Variants in CES1 observed in about 807,000 individuals in gnomAD.
CES1 encodes the protein liver carboxylesterase 1.
In CES1, 50 loss-of-function variants were observed where a neutral mutation model predicts 53.0. That is an observed-to-expected ratio of 0.94 (90% CI 0.75 to 1.19). CES1 has a LOEUF of 1.19. CES1 is among the 50% of genes most tolerant of loss of function. The pLI, the probability that CES1 is intolerant of heterozygous loss-of-function variation, is 0.00. For missense variants in CES1, 534 were observed against 538.0 expected, an observed-to-expected ratio of 0.99 and a Z score of 0.07; for synonymous variants, 202 against 210.1, an observed-to-expected ratio of 0.96 and a Z score of 0.33.
At chr16:55,817,178 T>G (rs1267570679) in intron 7 of CES1, among the ~76,000 whole-genome samples, 1 of 152,142 alleles carries the variant, frequency 6.6e-6, no homozygotes, top group African/African-American at 2.4e-5. Flanking sequence ...CCCCAAAACT[T>G]TTGCAGGAAT....
intron 1 of CES1, among the ~76,000 whole-genome samples, chr16:55,830,824 A>AGGAAGGAT (rs1567509516): frequency 6.8e-6 from 1 of 147,378 alleles, no homozygotes; most frequent in East Asian, 2.0e-4. Flanking sequence ...GAAGGAAGGC[A>AGGAAGGAT]GGCAGGCAGG....
intron 4 of CES1, among the ~76,000 whole-genome samples, chr16:55,822,201 T>G (rs1262156686): frequency 1.3e-5 from 2 of 152,246 alleles, no homozygotes; most frequent in Non-Finnish European, 2.9e-5. Flanking sequence ...CAGGGTTTTG[T>G]GCAGAGGCAT....
At chr16:55,828,077 G>C (rs2032486917) in intron 2 of CES1, 1 of 152,532 alleles carries the variant, frequency 6.6e-6, no homozygotes. Context: ...GCCACTGGTG[G>C]GCTGCTGGAA....
At chr16:55,818,961 T>G (rs1597077496) in intron 7 of CES1, among the ~76,000 whole-genome samples, 1 of 152,236 alleles carries the variant, frequency 6.6e-6, no homozygotes, top group East Asian at 1.9e-4. Flanking sequence ...AAGTTATGAA[T>G]AGGTTGACAT....
intron 7 of CES1, 123 bp from the exon 8 acceptor site, chr16:55,817,085 T>C: frequency 1.9e-6 from 2 of 1,057,296 alleles, no homozygotes. Flanking sequence ...TATATCTATA[T>C]GTGACCTGCG....
chr16:55,827,543 C>G (rs62028645), intron 2 of CES1, among the ~76,000 whole-genome samples: 3 of 151,988 alleles, frequency 2.0e-5, no homozygotes, highest in African/African-American at 4.8e-5. Context: ...AATATATACT[C>G]TTTGACTCAG....
intron 1 of CES1, 79 bp from the exon 2 acceptor site, chr16:55,829,053 A>C: frequency 1.4e-6 from 2 of 1,469,106 alleles, no homozygotes; most frequent in East Asian, 2.5e-5. Flanking sequence ...GCCGCTTTCT[A>C]AGTGAGTGAC....
At position 55,820,008 on chromosome 16, in the gene CES1, C is replaced by A. The variant is rs2032106490; in HGVS notation, c.801+364G>T. On this transcript the variant is annotated intron_variant, in intron 6 of 13. Coordinates refer to ENST00000360526, the MANE Select transcript of CES1 (RefSeq NM_001025195.2). Reference sequence around the variant, plus strand: ...TTCCACTTACCAGCCATTAGGCAGACCCAGAGAGACACAAGACACCATCAC... The same window carrying A: ...TTCCACTTACCAGCCATTAGGCAGAACCAGAGAGACACAAGACACCATCAC... The A allele has an allele frequency of 8.8e-5, 48 of 544,594 alleles. No homozygotes were observed. The South Asian group carries it at 9.1e-4, about 10-fold the overall frequency. 33.7% of individuals were successfully genotyped at this position (544,594 alleles called of 1,614,324 possible).
At chr16:55,821,073 A>AG (rs2032167107) in intron 5 of CES1, among the ~76,000 whole-genome samples, 1 of 99,448 alleles carries the variant, frequency 1.0e-5, no homozygotes, top group Non-Finnish European at 2.4e-5. Context: ...GGAGAGAGAG[A>AG]AAGAGAGAGA....
chr16:55,809,662 C>T (rs1216457878), intron 11 of CES1, among the ~76,000 whole-genome samples: 1 of 152,196 alleles, frequency 6.6e-6, no homozygotes. Flanking sequence ...TGCATAAAAA[C>T]CACCCTCAGA....
rs1254069048 is a variant in CES1 at position 55,810,551 on chromosome 16, AC to A, written c.1283del (p.Gly428ValfsTer5). On this transcript the variant is annotated frameshift_variant, in exon 11 of 14. Coordinates refer to ENST00000360526, the MANE Select transcript of CES1 (RefSeq NM_001025195.2). LOFTEE classifies it high-confidence loss of function. ...FLDLIADVMFGVPSVIVARNH... is the reference protein window; with the variant it reads ...FLDLIADVMFXVPSVIVARNH... The stretch of plus-strand genomic sequence containing the variant: ...TCCGGGCCACAATCACAGATGGGAC[AC>A]CAAACATCACATCTGCTATCAAGTC... 1 of 1,614,194 alleles carries A rather than the reference AC, an allele frequency of 6.2e-7. No homozygotes were observed. The highest frequency in any genetic ancestry group is 1.1e-5 in the South Asian group (1 of 91,086).
intron 6 of CES1, 23 bp from the exon 7 acceptor site, chr16:55,819,662 C>T (rs186343557): frequency 1.3e-6 from 2 of 1,586,360 alleles, no homozygotes; most frequent in African/African-American, 1.3e-5. Context: ...CAGGCAACAA[C>T]AGAGTTCAAG....
intron 11 of CES1, 148 bp downstream of exon 11, chr16:55,810,369 A>G (rs1401297360): frequency 9.1e-7 from 1 of 1,095,656 alleles, no homozygotes; most frequent in Non-Finnish European, 1.4e-6. Flanking sequence ...AACCAAAATA[A>G]GACAGCACCT....
At chr16:55,815,998 T>C (rs1331649446) in intron 8 of CES1, among the ~76,000 whole-genome samples, 1 of 152,298 alleles carries the variant, frequency 6.6e-6, no homozygotes, top group Admixed American at 6.5e-5. Context: ...TCAGGGTCTT[T>C]GCAGTGACTG....
Position 55,830,355 on chromosome 16 carries a change from C to T in CES1, c.53-1381G>A, listed in dbSNP as rs28422932. On this transcript the variant is annotated intron_variant, in intron 1 of 13. Coordinates refer to ENST00000360526, the MANE Select transcript of CES1 (RefSeq NM_001025195.2). ...GACATAGCAATGGGTGGTGGCATTA[C>T]ATGTGGCCTGTTTTCTTGGTGATTT... is the stretch of plus-strand genomic sequence containing the variant. 9.5e-3 allele frequency among the ~76,000 whole-genome samples: 1,443 copies of T among 152,304 alleles called. 23 individuals carry two copies. Among genetic ancestry groups the T allele is most frequent in the African/African-American group, 0.033 (1,387 of 41,536 alleles).
chr16:55,820,676 C>A (rs2032142516), intron 5 of CES1, among the ~76,000 whole-genome samples, 197 bp from the exon 6 acceptor site: 1 of 152,084 alleles, frequency 6.6e-6, no homozygotes, highest in African/African-American at 2.4e-5. Flanking sequence ...GGGTTTTCAT[C>A]CCAGATCCCC....
chr16:55,827,997 A>G (rs1454078343), intron 2 of CES1: 1 of 152,540 alleles, frequency 6.6e-6, no homozygotes, highest in East Asian at 1.9e-4. Context: ...TAATAAGTAT[A>G]TATTACATTT....
chr16:55,820,706 T>A (rs1177373303), intron 5 of CES1, among the ~76,000 whole-genome samples: 2 of 151,744 alleles, frequency 1.3e-5, no homozygotes, highest in Non-Finnish European at 2.9e-5. Context: ...CTGAACCCAA[T>A]CCCCAATCCC....
intron 3 of CES1, among the ~76,000 whole-genome samples, chr16:55,825,418 G>A (rs1439986206): frequency 2.6e-5 from 4 of 152,290 alleles, no homozygotes; most frequent in African/African-American, 4.8e-5. Flanking sequence ...TGCAGCTGGC[G>A]GGCTGCCCCA....
Sources: allele counts gnomAD v4.1 joint callset (sites outside exome capture counted in the v4.1 genomes callset), GRCh38; gene constraint gnomAD v4.1.1; transcripts MANE v1.5; gene names NCBI Gene and HGNC (gene_info 2026-07-23, HGNC 2026-07-21).